The following CEP85L variants were observed in gnomAD, a reference collection of about 807,000 sequenced individuals.
CEP85L encodes the protein centrosomal protein of 85 kDa-like.
In CEP85L, 60 loss-of-function variants were observed where a neutral mutation model predicts 100.3. The observed-to-expected ratio is 0.60, with a 90% CI of 0.49 to 0.74. The LOEUF (loss-of-function observed/expected upper bound fraction) is 0.74, where lower values mean the gene tolerates loss of function less well. CEP85L is among the 30% of genes least tolerant of loss of function. The probability of loss-of-function intolerance (pLI) is 0.00; values close to 1 mark genes in which losing one functional copy is unlikely to be tolerated. For missense variants in CEP85L, 973 were observed against 936.2 expected (o/e 1.04, Z -0.51); for synonymous variants, 319 against 322.7 (o/e 0.99, Z 0.12).
chr6:118,543,554 A>C (rs1190971504), intron 3 of CEP85L, among the ~76,000 whole-genome samples: 2 of 152,224 alleles, frequency 1.3e-5, no homozygotes, highest in Non-Finnish European at 2.9e-5. Context: ...GAATTATAAG[A>C]GATATTCACT....
In CEP85L at chr6:118,462,391, C is replaced by A. The variant is rs1158840050; in HGVS notation, c.*3014G>T. On this transcript the variant is annotated 3_prime_UTR_variant, in exon 13 of 13. Transcript: ENST00000368491. ...TTTCTGAGCTCAAGTGAAAAGATAGCTATTGTGCCTTTGATTCAGTGAATT... is the reference window on the plus strand; with the variant it reads ...TTTCTGAGCTCAAGTGAAAAGATAGATATTGTGCCTTTGATTCAGTGAATT... 2.6e-5 allele frequency: 4 copies of A among 151,966 alleles called. No individual in the cohort carries two copies. Among genetic ancestry groups the A allele is most frequent in the Non-Finnish European group, 5.9e-5 (4 of 67,880 alleles). The allele number at this position is 151,966 out of a possible 1,614,324, so 9.4% of individuals were successfully genotyped here. A position where few individuals can be genotyped will look rare whatever the true frequency, so the allele number is the denominator to read the frequency against.
At chr6:118,563,601 GTGTTTCTATGAT>G (rs1256446611) in intron 3 of CEP85L, among the ~76,000 whole-genome samples, 2 of 152,080 alleles carry the variant, frequency 1.3e-5, no homozygotes, top group Non-Finnish European at 1.5e-5. Context: ...AAGAAAATCA[GTGTTTCTATGAT>G]TTTTATCTTT....
Position 118,491,736 on chromosome 6 carries a change from T to G in CEP85L, c.1387A>C (p.Lys463Gln). 6.2e-7 allele frequency: 1 copy of G among 1,613,258 alleles called. No homozygotes were observed. The highest frequency in any genetic ancestry group is 8.5e-7 in the Non-Finnish European group (1 of 1,179,624). ...TCACTAAATAGGCTTAGTCTTTGTT[T>G]GAGAAACTCATTAAGCTGTAAAACT... ...KEVLQLNEFL[K>Q]QRLSLFSEEK... The change falls in exon 6 of 13, where the codon AAA (lysine) becomes CAA (glutamine). Residue 463 changes from lysine to glutamine, a missense_variant. By Grantham distance (53) the Lys-to-Gln change is moderately conservative. Around this residue, in one of 3 missense-constraint regions of CEP85L, gnomAD observed 890 missense variants for 844.5 expected, o/e 1.05. Coordinates refer to ENST00000368491, the MANE Select transcript of CEP85L (RefSeq NM_001042475.3).
intron 1 of CEP85L, among the ~76,000 whole-genome samples, chr6:118,691,446 T>C (rs1777040273): frequency 6.6e-6 from 1 of 150,854 alleles, no homozygotes; most frequent in African/African-American, 2.4e-5. Context: ...GGCAGGAGAA[T>C]CGCTTTAACC....
intron 1 of CEP85L, among the ~76,000 whole-genome samples, chr6:118,646,667 A>C (rs972481186): frequency 6.6e-6 from 1 of 152,220 alleles, no homozygotes; most frequent in Non-Finnish European, 1.5e-5. Context: ...TCTCAAAAAA[A>C]ATAAAAAATG....
chr6:118,638,156 G>A (rs1774629389), intron 1 of CEP85L, among the ~76,000 whole-genome samples: 1 of 151,398 alleles, frequency 6.6e-6, no homozygotes, highest in African/African-American at 2.4e-5. Context: ...AGGTAAGATT[G>A]CTTAAGCCCA....
chr6:118,589,063 C>A, intron 2 of CEP85L: 1 of 291,382 alleles, frequency 3.4e-6, no homozygotes, highest in South Asian at 4.7e-5. Context: ...AGACTGCTCC[C>A]AATGCCATGA....
chr6:118,651,160 A>T (rs1562340098), intron 1 of CEP85L, 37 bp downstream of exon 1: 1 of 1,479,454 alleles, frequency 6.8e-7, no homozygotes, highest in Admixed American at 2.3e-5. Context: ...GTCGGCCGTG[A>T]CCCCCACCCC....
chr6:118,566,191 G>T lies in CEP85L; in HGVS notation c.358C>A (p.Pro120Thr), dbSNP rs1489411135. Residue 120 changes from proline to threonine, a missense_variant, in exon 3 of 13, where the codon CCA becomes ACA. This residue lies in a region of CEP85L where 890 missense variants were observed against 844.5 expected (regional missense o/e 1.05). Transcript: ENST00000368491. ...CTTGTACTCCATTTTGAGCCATCTG[G>T]TGTCAATGATTCCCTAAGTTTGGAA... is the stretch of plus-strand genomic sequence containing the variant. ...SISKLRESLT[P>T]DGSKWSTSLM... is the part of the protein sequence containing the mutation. The T allele has an allele frequency of 1.9e-6, 3 of 1,614,032 alleles. No individual in the cohort carries two copies. Among genetic ancestry groups the T allele is most frequent in the Non-Finnish European group, 2.5e-6 (3 of 1,180,036 alleles).
intron 2 of CEP85L, among the ~76,000 whole-genome samples, chr6:118,605,401 CAA>C (rs756421100): frequency 1.3e-5 from 2 of 152,164 alleles, no homozygotes; most frequent in Non-Finnish European, 2.9e-5. Context: ...TCCAAGTGTG[CAA>C]AGAGTCAAGT....
intron 1 of CEP85L, among the ~76,000 whole-genome samples, chr6:118,648,606 GTGGCGGGAGC>G (rs1775352666): frequency 2.0e-5 from 3 of 152,042 alleles, no homozygotes; most frequent in Non-Finnish European, 4.4e-5. Context: ...CCCGGGTGTG[GTGGCGGGAGC>G]CTGTAGTCCC....
intron 7 of CEP85L, among the ~76,000 whole-genome samples, chr6:118,482,927 C>G (rs1008466159): frequency 1.3e-5 from 2 of 152,090 alleles, no homozygotes; most frequent in African/African-American, 4.8e-5. Context: ...ACTTTACCCC[C>G]AGAAGACATT....
rs545688160 is a variant in CEP85L at position 118,607,412 on chromosome 6, C to T, written c.232+25041G>A. On this transcript the variant is annotated intron_variant, in intron 2 of 12. Transcript: ENST00000368491. ...GGCTGTTTCTCAGTACCAAAGAGAT[C>T]TTTTCCAGCCAGTCTCATCAGCTCT... Among the ~76,000 whole-genome samples the T allele has an allele frequency of 3.9e-5, 6 of 152,260 alleles. No individual in the cohort carries two copies. In the South Asian group the frequency reaches 1.2e-3, roughly 32 times the overall value.
At chr6:118,470,131 A>C (rs971852548) in intron 11 of CEP85L, among the ~76,000 whole-genome samples, 3 of 152,120 alleles carry the variant, frequency 2.0e-5, no homozygotes, top group Admixed American at 2.0e-4. Context: ...AGAAGAAGAA[A>C]AAAAGAAAAA....
chr6:118,529,364 T>C (rs1777150931), intron 3 of CEP85L, among the ~76,000 whole-genome samples: 1 of 152,066 alleles, frequency 6.6e-6, no homozygotes, highest in Admixed American at 6.5e-5. Flanking sequence ...TCCCAGCACT[T>C]TGGGAGGCCA....
At chr6:118,671,955 A>G (rs1197326676) in intron 1 of CEP85L, among the ~76,000 whole-genome samples, 1 of 152,130 alleles carries the variant, frequency 6.6e-6, no homozygotes. Context: ...AAATAAAAGG[A>G]CAAAAATTGT....
intron 1 of CEP85L, among the ~76,000 whole-genome samples, chr6:118,633,405 C>T (rs1774298041): frequency 6.6e-6 from 1 of 151,978 alleles, no homozygotes. Flanking sequence ...GAGGTTTCAC[C>T]GTGTTAACCA....
At chr6:118,600,800 T>TAAA (rs1383031990) in intron 2 of CEP85L, among the ~76,000 whole-genome samples, 1 of 101,310 alleles carries the variant, frequency 9.9e-6, no homozygotes, top group Admixed American at 8.3e-5. Context: ...GTTGTCTTTT[T>TAAA]TAAAAAAAAA....
At chr6:118,520,757 A>T (rs1164004084) in intron 4 of CEP85L, among the ~76,000 whole-genome samples, 1 of 152,150 alleles carries the variant, frequency 6.6e-6, no homozygotes, top group Non-Finnish European at 1.5e-5. Flanking sequence ...ACTTTCAAAA[A>T]ACTTCATTTT....
Sources: gnomAD v4.1 joint callset for allele counts (sites outside exome capture counted in the v4.1 genomes callset) on GRCh38, gnomAD v4.1.1 for gene constraint, gnomAD v4.1.1 regional missense constraint, MANE v1.5 for transcripts, NCBI Gene and HGNC (gene_info 2026-07-23, HGNC 2026-07-21) for gene names.